Variants in CHSY1 observed in about 807,000 individuals in gnomAD.
CHSY1 encodes the protein N-acetylgalactosaminyl-proteoglycan 3-beta-glucuronosyltransferase 1.
CHSY1 carries 13 observed loss-of-function variants against 59.8 expected under a neutral mutation model. The observed-to-expected ratio is 0.22, with a 90% CI of 0.14 to 0.35. The LOEUF (loss-of-function observed/expected upper bound fraction) is 0.35. Among genes scored for constraint, CHSY1 ranks in the 10% least tolerant of loss-of-function variants. The pLI, the probability that CHSY1 is intolerant of heterozygous loss-of-function variation, is 1.00. For missense variants in CHSY1, 947 were observed against 1,030.6 expected (o/e 0.92, Z 1.11); for synonymous variants, 459 against 401.2 (o/e 1.14, Z -1.72).
chr15:101,186,485 G>A (rs1254895233), intron 2 of CHSY1, among the ~76,000 whole-genome samples: 2 of 152,138 alleles, frequency 1.3e-5, no homozygotes, highest in Admixed American at 1.3e-4. Context: ...TACTTGAATT[G>A]ATCAAGTCTC....
intron 2 of CHSY1, 51 bp from the exon 3 acceptor site, chr15:101,179,031 G>C (rs1334671941): frequency 1.1e-5 from 17 of 1,537,094 alleles, no homozygotes; most frequent in Admixed American, 1.7e-5. Flanking sequence ...ATGATTGAGT[G>C]CCAGCACATG....
chr15:101,231,378 G>C (rs189963482), intron 2 of CHSY1, among the ~76,000 whole-genome samples: 1 of 152,308 alleles, frequency 6.6e-6, no homozygotes, highest in East Asian at 1.9e-4. Flanking sequence ...TATATGATAT[G>C]ATACGCAGGA....
In CHSY1 at chr15:101,205,291, A is replaced by G. The variant is rs937003959; in HGVS notation, c.817-26311T>C. ...ATGACATCAATTTATTATAACCAAT[A>G]ATTTCCAGTGCCTCCCAGTCACTAA... On this transcript the variant is annotated intron_variant, in intron 2 of 2. Coordinates refer to ENST00000254190, the MANE Select transcript of CHSY1 (RefSeq NM_014918.5). Among the ~76,000 whole-genome samples, 6 of 152,084 alleles carry G rather than the reference A, an allele frequency of 3.9e-5. No homozygotes were observed. In the East Asian group the frequency reaches 1.2e-3, roughly 29 times the overall value.
rs564583524 is a variant in CHSY1, at chr15:101,176,611, T to G, written c.*777A>C. 49 of 387,334 alleles carry G rather than the reference T, an allele frequency of 1.3e-4. No homozygotes were observed. The highest frequency in any genetic ancestry group is 6.6e-4 in the African/African-American group (32 of 48,532). The allele number at this position is 387,334 out of a possible 1,614,324, so 24.0% of individuals were successfully genotyped here. ...ACCTACGTGGCCAGCTGGGCTTGCA[T>G]GGTGAAACCCCGTCTCTACTAAAAA... On this transcript the variant is annotated 3_prime_UTR_variant, in exon 3 of 3. Transcript: ENST00000254190.
intron 2 of CHSY1, among the ~76,000 whole-genome samples, chr15:101,205,151 T>C (rs1025462838): frequency 4.6e-5 from 7 of 152,210 alleles, no homozygotes; most frequent in Admixed American, 3.3e-4. Context: ...ATCTTTTTTT[T>C]TCTTTTTTTA....
chr15:101,212,722 G>C (rs550895359), intron 2 of CHSY1, among the ~76,000 whole-genome samples: 18 of 152,320 alleles, frequency 1.2e-4, no homozygotes, highest in South Asian at 8.3e-4. Context: ...GTGAATGCAA[G>C]CTTAAGATTT....
At chr15:101,198,875 C>G (rs1240555483) in intron 2 of CHSY1, among the ~76,000 whole-genome samples, 2 of 152,186 alleles carry the variant, frequency 1.3e-5, no homozygotes, top group African/African-American at 4.8e-5. Flanking sequence ...TGCAAAAACC[C>G]TAAAACATTT....
At chr15:101,251,073 A>G in intron 1 of CHSY1, 64 bp downstream of exon 1, 1 of 1,459,054 alleles carries the variant, frequency 6.9e-7, no homozygotes, top group Non-Finnish European at 9.2e-7. Context: ...CCAGGAGAGC[A>G]CCCGGGATGC....
At chr15:101,190,800 C>T (rs562801528) in intron 2 of CHSY1, among the ~76,000 whole-genome samples, 4 of 152,174 alleles carry the variant, frequency 2.6e-5, no homozygotes, top group East Asian at 1.9e-4. Flanking sequence ...AGCACCTTGC[C>T]GAAGTTACAC....
At position 101,177,747 on chromosome 15, in the gene CHSY1, T is replaced by C; in HGVS notation, c.2050A>G (p.Lys684Glu). Residue 684 changes from lysine to glutamate, a missense_variant, in exon 3 of 3, where the codon AAA becomes GAA. By Grantham distance (56) the Lys-to-Glu change is moderately conservative (BLOSUM62 1). Transcript: ENST00000254190. ...PSDNHFAFTQ[K>E]TGFWRNYGFG... ...CCATAGTTTCTCCAGAAGCCAGTTT[T>C]CTGAGTAAAGGCAAAATGGTTGTCA... 6.2e-7 allele frequency: 1 copy of C among 1,614,246 alleles called. No homozygotes were observed. Among genetic ancestry groups the C allele is most frequent in the Non-Finnish European group, 8.5e-7 (1 of 1,180,046 alleles).
Position 101,235,518 on chromosome 15 carries a change from G to A in CHSY1, c.380C>T (p.Thr127Ile), listed in dbSNP as rs1032753248. Residue 127 changes from threonine to isoleucine, a missense_variant, in exon 2 of 3, where the codon ACA (threonine) becomes ATA (isoleucine). Thr to Ile is a moderately conservative substitution (Grantham distance 89). Coordinates refer to ENST00000254190, the MANE Select transcript of CHSY1 (RefSeq NM_014918.5). ...VQFFSSEGSD[T>I]SVPIPVVPLR... ...TGGCACTACTGGAATTGGTACAGAT[G>A]TGTCAGAACCCTCACTTGAGAAGAA... 6.2e-7 allele frequency: 1 copy of A among 1,613,828 alleles called. No individual in the cohort carries two copies. Among genetic ancestry groups the A allele is most frequent in the Non-Finnish European group, 8.5e-7 (1 of 1,179,952 alleles).
intron 2 of CHSY1, among the ~76,000 whole-genome samples, chr15:101,208,603 C>G (rs1417270691): frequency 6.6e-6 from 1 of 151,628 alleles, no homozygotes; most frequent in Non-Finnish European, 1.5e-5. Context: ...ATACCAACTA[C>G]TCGGGAGGTA....
rs374074026 is a variant in CHSY1 at position 101,189,882 on chromosome 15, G to A, written c.817-10902C>T. 2.2e-3 allele frequency among the ~76,000 whole-genome samples: 334 copies of A among 152,362 alleles called. 2 individuals carry two copies. Among genetic ancestry groups the A allele is most frequent in the Middle Eastern group, 0.01 (3 of 294 alleles). On this transcript the variant is annotated intron_variant, in intron 2 of 2. Coordinates refer to ENST00000254190, the MANE Select transcript of CHSY1 (RefSeq NM_014918.5). ...GGGACAGCACAGTGGCGCTGTGGGC[G>A]GGGAGCAAGGGTTCCCGCAGCCCAG...
At chr15:101,192,266 G>A (rs2038454472) in intron 2 of CHSY1, among the ~76,000 whole-genome samples, 1 of 152,170 alleles carries the variant, frequency 6.6e-6, no homozygotes. Flanking sequence ...TTACAGGTAA[G>A]GACAAAAAGA....
chr15:101,236,347 C>T (rs1486011748), intron 1 of CHSY1, among the ~76,000 whole-genome samples: 2 of 152,168 alleles, frequency 1.3e-5, no homozygotes, highest in Non-Finnish European at 2.9e-5. Flanking sequence ...ACGGGGGCAG[C>T]TTCCCCCACA....
intron 2 of CHSY1, among the ~76,000 whole-genome samples, chr15:101,226,924 C>G (rs1295751723): frequency 6.6e-6 from 1 of 152,120 alleles, no homozygotes; most frequent in African/African-American, 2.4e-5. Context: ...GGAGCTAAGT[C>G]CCCATAACAG....
chr15:101,235,439 G>T lies in CHSY1; in HGVS notation c.459C>A (p.Leu153=). 6.2e-7 allele frequency: 1 copy of T among 1,614,126 alleles called. No individual in the cohort carries two copies. Among genetic ancestry groups the T allele is most frequent in the Non-Finnish European group, 8.5e-7 (1 of 1,180,030 alleles). ...YPPQKKSFMM[L]KYMHDHYLDK... is the part of the protein sequence containing the mutation. ...CCAAGTAGTGGTCGTGCATGTACTTGAGCATCATGAAGGACTTCTTCTGGG... is the reference window on the plus strand; with the variant it reads ...CCAAGTAGTGGTCGTGCATGTACTTTAGCATCATGAAGGACTTCTTCTGGG... The change falls in exon 2 of 3, where the codon CTC becomes CTA. Residue 153 remains leucine (L), a synonymous_variant. Transcript: ENST00000254190.
chr15:101,220,730 C>T (rs2038780120), intron 2 of CHSY1, among the ~76,000 whole-genome samples: 1 of 152,230 alleles, frequency 6.6e-6, no homozygotes, highest in African/African-American at 2.4e-5. Context: ...AGGGGACAGG[C>T]CTCACAGGAC....
In CHSY1 at chr15:101,251,373, C is replaced by T. The variant is rs776396857; in HGVS notation, c.84G>A (p.Leu28=). 7.1e-5 allele frequency: 83 copies of T among 1,164,808 alleles called. 1 individual carries two copies. In the South Asian group the frequency reaches 1.3e-3, roughly 19 times the overall value. The allele number at this position is 1,164,808 out of a possible 1,614,324, so 72.2% of individuals were successfully genotyped here. ...LGFVLASRLV[L]PRASELKRAG... is the part of the protein sequence containing the mutation. Reference sequence around the variant, plus strand: ...CTCGCTTCAGCTCGGAAGCCCGGGGCAGGACGAGCCGCGAGGCCAGCACGA... The same window carrying T: ...CTCGCTTCAGCTCGGAAGCCCGGGGTAGGACGAGCCGCGAGGCCAGCACGA... The change falls in exon 1 of 3, where the codon CTG becomes CTA. Residue 28 remains leucine, a synonymous_variant. Coordinates refer to ENST00000254190, the MANE Select transcript of CHSY1 (RefSeq NM_014918.5).
Sources: allele counts gnomAD v4.1 joint callset (sites outside exome capture counted in the v4.1 genomes callset), GRCh38; gene constraint gnomAD v4.1.1; transcripts MANE v1.5; gene names NCBI Gene and HGNC (gene_info 2026-07-23, HGNC 2026-07-21).